Variants in SYNCRIP observed in about 807,000 individuals in gnomAD.
SYNCRIP encodes synaptotagmin binding cytoplasmic RNA interacting protein.
Under a neutral mutation model 68.9 loss-of-function variants are expected in SYNCRIP, and 9 were observed. The ratio of observed to expected loss-of-function variants is 0.13; its 90% confidence interval spans 0.08 to 0.23. The LOEUF (loss-of-function observed/expected upper bound fraction) is 0.23. Among genes scored for constraint, SYNCRIP ranks in the 10% least tolerant of loss-of-function variants. SYNCRIP has a pLI of 1.00. For synonymous variants in SYNCRIP, 258 were observed against 254.0 expected (o/e 1.02, Z -0.15); for missense variants, 414 against 770.6 (o/e 0.54, Z 5.48).
rs1172515984 is a variant in SYNCRIP at position 85,618,762 on chromosome 6, A to G, written c.1280+56T>C. The stretch of plus-strand genomic sequence containing the variant: ...TCTGATCAACACCTGTTATTTTCCA[A>G]TTAGTGTATAAATATTAAAATTTAT... On this transcript the variant is annotated intron_variant, in intron 10 of 10. Coordinates refer to ENST00000369622, the MANE Select transcript of SYNCRIP (RefSeq NM_006372.5). 6.3e-6 allele frequency: 9 copies of G among 1,425,694 alleles called. No individual in the cohort carries two copies. In the African/African-American group the frequency reaches 1.0e-4, roughly 16 times the overall value. 88.3% of individuals were successfully genotyped at this position (1,425,694 alleles called of 1,614,324 possible).
intron 6 of SYNCRIP, among the ~76,000 whole-genome samples, chr6:85,631,201 G>A (rs1270182353): frequency 6.6e-6 from 1 of 152,126 alleles, no homozygotes; most frequent in Non-Finnish European, 1.5e-5. Context: ...AAATCAGCCA[G>A]GCGTGGTGGC....
chr6:85,632,041 G>C (rs538508910), intron 6 of SYNCRIP, among the ~76,000 whole-genome samples: 7 of 152,246 alleles, frequency 4.6e-5, no homozygotes, highest in African/African-American at 1.7e-4. Flanking sequence ...GGTAGATGTT[G>C]GCTAGAATCA....
At chr6:85,636,338 C>T (rs914228778) in intron 6 of SYNCRIP, among the ~76,000 whole-genome samples, 1 of 151,256 alleles carries the variant, frequency 6.6e-6, no homozygotes, top group Non-Finnish European at 1.5e-5. Flanking sequence ...CCTAGCTACT[C>T]GGGAGGCTGA....
upstream of SYNCRIP, chr6:85,643,013 TCCCTTCCCTC>T (rs1257931961): frequency 8.4e-6 from 1 of 118,364 alleles, no homozygotes; most frequent in Non-Finnish European, 1.8e-5. Context: ...TCCCTTCCCT[TCCCTTCCCTC>T]CCCTCCCTCG....
chr6:85,622,366 C>T, intron 8 of SYNCRIP, 116 bp downstream of exon 8: 1 of 1,009,440 alleles, frequency 9.9e-7, no homozygotes, highest in Non-Finnish European at 1.5e-6. Flanking sequence ...AAACAAGAGA[C>T]TCTTGTCTCA....
intron 6 of SYNCRIP, among the ~76,000 whole-genome samples, chr6:85,626,850 C>G (rs1807094340): frequency 6.6e-6 from 1 of 152,150 alleles, no homozygotes; most frequent in South Asian, 2.1e-4. Context: ...TCAAGTTAGC[C>G]AAGGCATGGT....
Position 85,636,941 on chromosome 6 carries a change from C to T in SYNCRIP, c.666+26G>A, listed in dbSNP as rs770754419. 5 of 1,560,844 alleles carry T rather than the reference C, an allele frequency of 3.2e-6. No homozygotes were observed. In the East Asian group the frequency reaches 1.1e-4, roughly 35 times the overall value. On this transcript the variant is annotated intron_variant, in intron 6 of 10. Transcript: ENST00000369622. The stretch of plus-strand genomic sequence containing the variant: ...ATATTAAAGACAGTGAACGTGAAAA[C>T]TGAAGGGGAAAAAAGGACAACTTAC...
chr6:85,614,844 A>G lies in SYNCRIP; in HGVS notation c.1784T>C (p.Leu595Pro), dbSNP rs752468660. The change falls in exon 11 of 11, where the codon CTC (leucine) becomes CCC (proline). Residue 595 changes from leucine to proline, a missense_variant. By Grantham distance (98) the Leu-to-Pro change is moderately conservative. Around this residue, in one of 6 missense-constraint regions of SYNCRIP, gnomAD observed 130 missense variants for 149.0 expected, o/e 0.87. Coordinates refer to ENST00000369622, the MANE Select transcript of SYNCRIP (RefSeq NM_006372.5). ...WGSQPIAQQPLQGGDHSGNYG... is the reference protein window; with the variant it reads ...WGSQPIAQQPPQGGDHSGNYG... The stretch of plus-strand genomic sequence containing the variant: ...GTTACCAGAATGATCACCACCTTGG[A>G]GCGGTTGCTGAGCAATGGGTTGGGA... 3 of 1,614,104 alleles carry G rather than the reference A, an allele frequency of 1.9e-6. No individual in the cohort carries two copies. The South Asian group carries it at 3.3e-5, about 18-fold the overall frequency.
chr6:85,620,617 A>T (rs1296242607), intron 8 of SYNCRIP, among the ~76,000 whole-genome samples: 1 of 152,206 alleles, frequency 6.6e-6, no homozygotes. Context: ...CAGAACATAC[A>T]TCTAGAGTGA....
upstream of SYNCRIP, chr6:85,643,318 C>G (rs1260493260): frequency 1.3e-5 from 2 of 152,402 alleles, no homozygotes; most frequent in African/African-American, 4.8e-5. Context: ...CTTTCTCTCT[C>G]CCGCGCTGAC....
chr6:85,622,924 A>G (rs911079219), intron 7 of SYNCRIP, among the ~76,000 whole-genome samples: 1 of 152,218 alleles, frequency 6.6e-6, no homozygotes, highest in South Asian at 2.1e-4. Context: ...TTTAGAGGTA[A>G]GGACTACTTT....
chr6:85,616,655 A>G (rs1262751322), intron 10 of SYNCRIP, among the ~76,000 whole-genome samples: 1 of 152,042 alleles, frequency 6.6e-6, no homozygotes, highest in African/African-American at 2.4e-5. Context: ...GCCTTATTTT[A>G]TCCTGAATTA....
chr6:85,633,416 C>A (rs1348648834), intron 6 of SYNCRIP, among the ~76,000 whole-genome samples: 2 of 152,066 alleles, frequency 1.3e-5, no homozygotes, highest in South Asian at 2.1e-4. Flanking sequence ...CAGGGTGAAA[C>A]CCCATCTCTA....
intron 6 of SYNCRIP, among the ~76,000 whole-genome samples, chr6:85,635,138 G>A (rs768720635): frequency 2.2e-4 from 34 of 152,008 alleles, no homozygotes; most frequent in African/African-American, 7.7e-4. Context: ...ACACTCCAGC[G>A]TGGGTGACAG....
intron 7 of SYNCRIP, among the ~76,000 whole-genome samples, chr6:85,623,004 T>C (rs1192506263): frequency 6.6e-6 from 1 of 152,204 alleles, no homozygotes; most frequent in Non-Finnish European, 1.5e-5. Context: ...AATGGCAGTA[T>C]AGATCAAATA....
chr6:85,623,210 C>T (rs1172726372), intron 7 of SYNCRIP, among the ~76,000 whole-genome samples: 2 of 152,032 alleles, frequency 1.3e-5, no homozygotes, highest in Non-Finnish European at 2.9e-5. Context: ...CTAAAAGCAA[C>T]CTGTCACTTA....
At chr6:85,637,502 T>C (rs1325043586) in intron 4 of SYNCRIP, 146 bp from the exon 5 acceptor site, 4 of 584,920 alleles carry the variant, frequency 6.8e-6, no homozygotes, top group Non-Finnish European at 1.2e-5. Context: ...TGTTTTAAAA[T>C]TTCCCCTTAA....
chr6:85,639,988 T>C (rs1343686877), intron 4 of SYNCRIP, among the ~76,000 whole-genome samples: 2 of 152,206 alleles, frequency 1.3e-5, no homozygotes, highest in Admixed American at 1.3e-4. Flanking sequence ...TTCTTTATAC[T>C]AGGACTACCA....
chr6:85,631,851 T>G (rs1807835274), intron 6 of SYNCRIP, among the ~76,000 whole-genome samples: 1 of 152,260 alleles, frequency 6.6e-6, no homozygotes, highest in African/African-American at 2.4e-5. Flanking sequence ...TTCTACTACC[T>G]GGCAGAAAGG....
Sources: allele counts gnomAD v4.1 joint callset (sites outside exome capture counted in the v4.1 genomes callset), GRCh38; gene constraint gnomAD v4.1.1; regional missense constraint gnomAD v4.1.1; transcripts MANE v1.5; gene names NCBI Gene and HGNC (gene_info 2026-07-23, HGNC 2026-07-21).